TMEM131L: variants seen among roughly 807,000 people sequenced by gnomAD.
The protein encoded by TMEM131L is transmembrane 131 like, also known as transmembrane protein 131-like.
TMEM131L carries 54 observed loss-of-function variants against 192.2 expected under a neutral mutation model. The observed-to-expected ratio is 0.28, with a 90% CI of 0.23 to 0.35. The LOEUF (loss-of-function observed/expected upper bound fraction) is 0.35. TMEM131L is among the 10% of genes least tolerant of loss of function. TMEM131L has a pLI of 1.00. For missense variants in TMEM131L, 1,888 were observed against 1,972.9 expected (o/e 0.96, Z 0.82); for synonymous variants, 701 against 704.9 (o/e 0.99, Z 0.09).
intron 3 of TMEM131L, among the ~76,000 whole-genome samples, chr4:153,479,021 T>C (rs758488642): frequency 6.6e-6 from 1 of 152,208 alleles, no homozygotes; most frequent in Non-Finnish European, 1.5e-5. Context: ...AGTCTTAGCA[T>C]GTTCCCCAAA....
chr4:153,525,711 T>G (rs976495134), intron 3 of TMEM131L, among the ~76,000 whole-genome samples: 1 of 152,234 alleles, frequency 6.6e-6, no homozygotes, highest in Non-Finnish European at 1.5e-5. Flanking sequence ...TTCTCATTTG[T>G]TAGTGGGTTT....
rs139174047 is a variant in TMEM131L at position 153,524,028 on chromosome 4, G to T, written c.240-26045G>T. On this transcript the variant is annotated intron_variant, in intron 3 of 34. Coordinates refer to ENST00000409959, the MANE Select transcript of TMEM131L (RefSeq NM_001131007.2). ...TAGGAAGATTAAGTAACTCAGAAAA[G>T]AACAAAGAGAATAAAAGTCGTCATC... Among the ~76,000 whole-genome samples the T allele has an allele frequency of 1.6e-3, 239 of 151,688 alleles. 1 individual carries two copies. Among genetic ancestry groups the T allele is most frequent in the African/African-American group, 5.6e-3 (232 of 41,348 alleles).
At chr4:153,577,346 C>G (rs1375639725) in intron 7 of TMEM131L, among the ~76,000 whole-genome samples, 1 of 152,146 alleles carries the variant, frequency 6.6e-6, no homozygotes, top group Non-Finnish European at 1.5e-5. Flanking sequence ...GGTAAATTCA[C>G]TCTTGGTGCA....
intron 3 of TMEM131L, among the ~76,000 whole-genome samples, chr4:153,474,700 C>T (rs940174298): frequency 6.6e-6 from 1 of 152,216 alleles, no homozygotes; most frequent in Admixed American, 6.5e-5. Context: ...GGATTACAGG[C>T]GTGTGTCAAC....
chr4:153,542,763 T>C (rs1397843551), intron 3 of TMEM131L, among the ~76,000 whole-genome samples: 1 of 152,126 alleles, frequency 6.6e-6, no homozygotes, highest in East Asian at 1.9e-4. Flanking sequence ...CATGATTCTT[T>C]TCATGTAAGT....
intron 2 of TMEM131L, among the ~76,000 whole-genome samples, chr4:153,472,366 G>A (rs1731220183): frequency 6.6e-6 from 1 of 152,178 alleles, no homozygotes; most frequent in Admixed American, 6.5e-5. Flanking sequence ...TGAGGGGAAA[G>A]CATGTCATGT....
intron 3 of TMEM131L, among the ~76,000 whole-genome samples, chr4:153,476,461 G>A (rs1479409607): frequency 1.3e-5 from 2 of 152,148 alleles, no homozygotes; most frequent in Non-Finnish European, 2.9e-5. Context: ...ACTTTGGGAA[G>A]CTGAGGCAGG....
Position 153,582,419 on chromosome 4 carries a change from CGTTTTTTTTTGTT to C in TMEM131L, c.893-760_893-748del, listed in dbSNP as rs1196310986. Among the ~76,000 whole-genome samples, 70 of 117,980 alleles carry C rather than the reference CGTTTTTTTTTGTT, an allele frequency of 5.9e-4. 8 individuals are homozygous for C. The highest frequency in any genetic ancestry group is 2.5e-3 in the African/African-American group (66 of 26,204). 77.4% of individuals were successfully genotyped at this position (117,980 alleles called of 152,430 possible). A position where few individuals can be genotyped will look rare whatever the true frequency, so the allele number is the denominator to read the frequency against. On this transcript the variant is annotated intron_variant, in intron 9 of 34. Coordinates refer to ENST00000409959, the MANE Select transcript of TMEM131L (RefSeq NM_001131007.2). ...ACCACTATGCCTGGCTAATTTAAAC[CGTTTTTTTTTGTT>C]GTTTTTTTTTTTTTTTTTTTTTTTT... is the stretch of plus-strand genomic sequence containing the variant.
intron 3 of TMEM131L, among the ~76,000 whole-genome samples, chr4:153,482,019 G>T (rs1467091601): frequency 6.6e-6 from 1 of 151,944 alleles, no homozygotes; most frequent in Non-Finnish European, 1.5e-5. Flanking sequence ...GCTAATTTTT[G>T]TATTTTTAGT....
At chr4:153,547,489 T>C (rs1737269791) in intron 3 of TMEM131L, among the ~76,000 whole-genome samples, 1 of 152,266 alleles carries the variant, frequency 6.6e-6, no homozygotes, top group South Asian at 2.1e-4. Context: ...CTCTTAGTAA[T>C]ATGAGCGAAT....
intron 31 of TMEM131L, among the ~76,000 whole-genome samples, chr4:153,631,589 A>G (rs1201849400): frequency 6.6e-6 from 1 of 152,150 alleles, no homozygotes; most frequent in African/African-American, 2.4e-5. Flanking sequence ...GAGACACTAT[A>G]TGTTCCGAGG....
At chr4:153,542,505 C>T (rs947058678) in intron 3 of TMEM131L, among the ~76,000 whole-genome samples, 10 of 152,180 alleles carry the variant, frequency 6.6e-5, no homozygotes, top group Non-Finnish European at 8.8e-5. Flanking sequence ...CAGCCAGGTG[C>T]GCTTCGGCAA....
chr4:153,499,738 T>G (rs766814842), intron 3 of TMEM131L, among the ~76,000 whole-genome samples: 1 of 152,218 alleles, frequency 6.6e-6, no homozygotes, highest in Non-Finnish European at 1.5e-5. Flanking sequence ...TATGACATTC[T>G]TACCCTGATT....
chr4:153,612,206 A>G (rs756150454), intron 25 of TMEM131L, 46 bp from the exon 26 acceptor site: 3 of 1,392,270 alleles, frequency 2.2e-6, no homozygotes, highest in African/African-American at 1.5e-5. Flanking sequence ...GGGGAATGTG[A>G]GTGGAAACTA....
chr4:153,592,731 G>T (rs1450573424), intron 18 of TMEM131L, 147 bp downstream of exon 18: 2 of 627,902 alleles, frequency 3.2e-6, no homozygotes, highest in Non-Finnish European at 5.7e-6. Flanking sequence ...TGGGCATCCT[G>T]CCCCTTGGTG....
chr4:153,621,746 T>A lies in TMEM131L; in HGVS notation c.3756T>A (p.Ser1252Arg), dbSNP rs1733426272. 2 of 1,614,154 alleles carry A rather than the reference T, an allele frequency of 1.2e-6. 1 individual carries two copies. The highest frequency in any genetic ancestry group is 2.2e-5 in the South Asian group (2 of 91,082). ...CSDFERSELS[S>R]DINVRSWCIQ... ...ACTTTGAGAGGTCTGAGCTGAGCAG[T>A]GACATCAATGTAAGAAGCTGGTGTA... is the stretch of plus-strand genomic sequence containing the variant. Residue 1252 changes from serine (S) to arginine (R), a missense_variant, in exon 28 of 35, where the codon AGT (serine) becomes AGA (arginine). Transcript: ENST00000409959.
intron 19 of TMEM131L, among the ~76,000 whole-genome samples, chr4:153,595,995 T>C (rs957621602): frequency 6.6e-6 from 1 of 152,188 alleles, no homozygotes; most frequent in African/African-American, 2.4e-5. Flanking sequence ...TAGCCCCAAC[T>C]TCCATTCAAA....
At chr4:153,533,275 G>T (rs567239558) in intron 3 of TMEM131L, among the ~76,000 whole-genome samples, 1 of 152,092 alleles carries the variant, frequency 6.6e-6, no homozygotes, top group Non-Finnish European at 1.5e-5. Flanking sequence ...GTAAGCTACC[G>T]CACCCAGCCT....
At chr4:153,624,774 G>A (rs927315734) in intron 29 of TMEM131L, among the ~76,000 whole-genome samples, 15 of 152,220 alleles carry the variant, frequency 9.9e-5, no homozygotes, top group Admixed American at 3.9e-4. Flanking sequence ...CTCCTCATGG[G>A]CTGTTCTACA....
Sources: gnomAD v4.1 joint callset for allele counts (sites outside exome capture counted in the v4.1 genomes callset) on GRCh38, gnomAD v4.1.1 for gene constraint, MANE v1.5 for transcripts, NCBI Gene and HGNC (gene_info 2026-07-23, HGNC 2026-07-21) for gene names.